The following MGA variants were observed in gnomAD, a reference collection of about 807,000 sequenced individuals.
MGA encodes MAX gene-associated protein.
Under a neutral mutation model 261.1 loss-of-function variants are expected in MGA, and 40 were observed. The ratio of observed to expected loss-of-function variants is 0.15; its 90% CI spans 0.12 to 0.20. The LOEUF (loss-of-function observed/expected upper bound fraction) is 0.20. Among genes scored for constraint, MGA ranks in the 10% least tolerant of loss-of-function variants. MGA has a pLI of 1.00. For synonymous variants in MGA, 1,302 were observed against 1,290.6 expected (o/e 1.01, Z -0.19); for missense variants, 3,397 against 3,630.5 (o/e 0.94, Z 1.65).
chr15:41,765,120 G>C (rs1394853960), intron 23 of MGA, 58 bp downstream of exon 23: 2 of 1,566,878 alleles, frequency 1.3e-6, no homozygotes, highest in Non-Finnish European at 1.8e-6. Flanking sequence ...AACATCTCAC[G>C]GTGACCAAGG....
chr15:41,727,261 C>T lies in MGA; in HGVS notation c.3512C>T (p.Pro1171Leu). 6.2e-7 allele frequency: 1 copy of T among 1,613,908 alleles called. No individual in the cohort carries two copies. The highest frequency in any genetic ancestry group is 8.5e-7 in the Non-Finnish European group (1 of 1,179,880). The change falls in exon 10 of 24, where the codon CCA becomes CTA. Residue 1171 changes from proline to leucine, a missense_variant. Physicochemically the swap from Pro to Leu is moderately conservative, Grantham distance 98. Transcript: ENST00000219905. ...GTAGAAGGTGAAGTAGATCCAGAAC[C>T]AGTTTATATCCCCACGCCTTCTGTC...
Position 41,748,761 on chromosome 15 carries a change from C to T in MGA, c.5337C>T (p.Asn1779=). 1 of 1,613,938 alleles carries T rather than the reference C, an allele frequency of 6.2e-7. No homozygotes were observed. Among genetic ancestry groups the T allele is most frequent in the South Asian group, 1.1e-5 (1 of 91,076 alleles). Residue 1779 remains asparagine (N), a synonymous_variant, in exon 16 of 24, where the codon AAC becomes AAT. Transcript: ENST00000219905. ...CTCCTACTCTTAGACCTGTCTCAAACACACAACTTCAGGGACATCGGATGG... is the reference window on the plus strand; with the variant it reads ...CTCCTACTCTTAGACCTGTCTCAAATACACAACTTCAGGGACATCGGATGG...
intron 2 of MGA, among the ~76,000 whole-genome samples, chr15:41,694,128 A>C (rs1005621956): frequency 6.6e-6 from 1 of 152,132 alleles, no homozygotes; most frequent in African/African-American, 2.4e-5. Flanking sequence ...CTTTTTAAAA[A>C]GTGACTGGGC....
intron 1 of MGA, among the ~76,000 whole-genome samples, chr15:41,625,114 A>T (rs1425671310): frequency 6.6e-6 from 1 of 151,956 alleles, no homozygotes; most frequent in East Asian, 1.9e-4. Flanking sequence ...TGCACTCCAG[A>T]TTGGCCAACA....
intron 2 of MGA, among the ~76,000 whole-genome samples, chr15:41,680,971 G>C (rs561802881): frequency 6.6e-6 from 1 of 152,124 alleles, no homozygotes; most frequent in Non-Finnish European, 1.5e-5. Flanking sequence ...TATTTAGGGG[G>C]TCTACTACAG....
At position 41,754,570 on chromosome 15, in the gene MGA, A is replaced by G; in HGVS notation, c.7139+3A>G. 1 of 1,569,528 alleles carries G rather than the reference A, an allele frequency of 6.4e-7. No individual in the cohort carries two copies. The highest frequency in any genetic ancestry group is 8.6e-7 in the Non-Finnish European group (1 of 1,159,544). On this transcript the variant is annotated splice_donor_region_variant and intron_variant, in intron 18 of 23. Coordinates refer to ENST00000219905, the MANE Select transcript of MGA (RefSeq NM_001164273.2). ...CACACACAGTCATTCAAACAGCCGT[A>G]AGTCTTATTTCTCTTTGGATTGTTG...
chr15:41,676,015 A>T (rs2058353630), intron 2 of MGA, among the ~76,000 whole-genome samples: 1 of 152,184 alleles, frequency 6.6e-6, no homozygotes, highest in African/African-American at 2.4e-5. Flanking sequence ...CAGATCATTC[A>T]GCTTTTCCAT....
At chr15:41,644,129 A>G (rs1299267045) in intron 1 of MGA, among the ~76,000 whole-genome samples, 1 of 152,086 alleles carries the variant, frequency 6.6e-6, no homozygotes, top group South Asian at 2.1e-4. Context: ...TGAATTTAAT[A>G]AAGTACATCT....
chr15:41,754,454 C>T lies in MGA; in HGVS notation c.7026C>T (p.Tyr2342=). The change falls in exon 18 of 24, where the codon TAC becomes TAT. Residue 2342 remains tyrosine, a synonymous_variant. Coordinates refer to ENST00000219905, the MANE Select transcript of MGA (RefSeq NM_001164273.2). ...TATTTCAGAATAACTGTGTAGAATA[C>T]ATTGAGGATGATGAGGAGCACGTGG... The T allele has an allele frequency of 6.4e-7, 1 of 1,552,574 alleles. No individual in the cohort carries two copies. Among genetic ancestry groups the T allele is most frequent in the Non-Finnish European group, 8.7e-7 (1 of 1,147,692 alleles).
At chr15:41,656,359 T>TCTCTCTCTCTC, upstream of MGA, among the ~76,000 whole-genome samples, 1 of 131,056 alleles carries the variant, frequency 7.6e-6, no homozygotes, top group Non-Finnish European at 1.7e-5. Flanking sequence ...TCTCTCTCTC[T>TCTCTCTCTCTC]CTCTCTCTCT....
At chr15:41,656,744 A>C (rs1241813129), upstream of MGA, among the ~76,000 whole-genome samples, 5 of 151,968 alleles carry the variant, frequency 3.3e-5, no homozygotes, top group African/African-American at 9.7e-5. Context: ...ACATGCTTTT[A>C]ATATTACTAT....
intron 3 of MGA, among the ~76,000 whole-genome samples, chr15:41,697,529 G>C (rs1178593127): frequency 6.6e-6 from 1 of 150,814 alleles, no homozygotes. Context: ...CCATTCTCGT[G>C]CCCCAGCCTC....
chr15:41,726,202 A>G (rs890277929), intron 9 of MGA, among the ~76,000 whole-genome samples: 4 of 152,132 alleles, frequency 2.6e-5, no homozygotes, highest in Admixed American at 2.0e-4. Flanking sequence ...CCAGATAGAC[A>G]GGGTTTGATT....
chr15:41,628,971 C>T (rs12901759), intron 1 of MGA, among the ~76,000 whole-genome samples: 2 of 151,878 alleles, frequency 1.3e-5, no homozygotes, highest in African/African-American at 2.4e-5. Context: ...AACCCTGTCT[C>T]TACTAAAAAA....
chr15:41,637,982 C>T (rs140031029), intron 1 of MGA, among the ~76,000 whole-genome samples: 214 of 145,004 alleles, frequency 1.5e-3, no homozygotes, highest in African/African-American at 5.0e-3. Flanking sequence ...TCCACCGCCT[C>T]GGCCTCCCAA....
At chr15:41,684,557 G>A (rs1391482329) in intron 2 of MGA, 1 of 306,414 alleles carries the variant, frequency 3.3e-6, no homozygotes, top group African/African-American at 2.2e-5. Flanking sequence ...AACTTACCAA[G>A]TTCAATTTCT....
At chr15:41,700,292 C>T (rs186096758) in intron 5 of MGA, among the ~76,000 whole-genome samples, 208 of 152,022 alleles carry the variant, frequency 1.4e-3, no homozygotes, top group Admixed American at 3.6e-3. Flanking sequence ...ATGATCTGCC[C>T]GCCTCGGCCT....
chr15:41,692,099 T>G (rs906919270), intron 2 of MGA, among the ~76,000 whole-genome samples: 3 of 152,150 alleles, frequency 2.0e-5, no homozygotes, highest in African/African-American at 7.2e-5. Context: ...CTCTGACACT[T>G]TTTTGTTTTG....
intron 15 of MGA, among the ~76,000 whole-genome samples, 184 bp from the exon 16 acceptor site, chr15:41,748,453 C>T (rs1463945009): frequency 6.6e-6 from 1 of 152,122 alleles, no homozygotes; most frequent in Non-Finnish European, 1.5e-5. Context: ...ACTCGGTATG[C>T]TGAAGTGGAA....
Sources: allele counts gnomAD v4.1 joint callset (sites outside exome capture counted in the v4.1 genomes callset), GRCh38; gene constraint gnomAD v4.1.1; transcripts MANE v1.5; gene names NCBI Gene and HGNC (gene_info 2026-07-23, HGNC 2026-07-21).